KIF26B: variants seen among roughly 807,000 people sequenced by gnomAD.
The protein encoded by KIF26B is kinesin-like protein KIF26B.
KIF26B carries 63 observed loss-of-function variants against 151.2 expected under a neutral mutation model. The ratio of observed to expected loss-of-function variants is 0.42; its 90% confidence interval spans 0.34 to 0.51. The LOEUF (loss-of-function observed/expected upper bound fraction) is 0.51. KIF26B is among the 20% of genes least tolerant of loss of function. KIF26B has a pLI of 0.07. For missense variants in KIF26B, 2,813 were observed against 2,913.6 expected, an observed-to-expected ratio of 0.97 and a Z score of 0.79; for synonymous variants, 1,357 against 1,262.1, an observed-to-expected ratio of 1.08 and a Z score of -1.59.
rs12748335 is a variant in KIF26B, at chr1:245,708,881, A to G, written c.*6275A>G. The G allele has an allele frequency of 6.6e-6, 1 of 152,240 alleles. No homozygotes were observed. The highest frequency in any genetic ancestry group is 1.5e-5 in the Non-Finnish European group (1 of 68,046). The allele number at this position is 152,240 out of a possible 1,614,324, so 9.4% of individuals were successfully genotyped here. A position where few individuals can be genotyped will look rare whatever the true frequency, so the allele number is the denominator to read the frequency against. ...TGGGCCCATTTGAAAAGTGGAGACAAGGTCTGCCCAGGTGCATTTATTGTG... is the reference window on the plus strand; with the variant it reads ...TGGGCCCATTTGAAAAGTGGAGACAGGGTCTGCCCAGGTGCATTTATTGTG... On this transcript the variant is annotated 3_prime_UTR_variant, in exon 15 of 15. Transcript: ENST00000407071.
chr1:245,401,147 A>G (rs1173512933), intron 3 of KIF26B, among the ~76,000 whole-genome samples: 1 of 152,198 alleles, frequency 6.6e-6, no homozygotes, highest in East Asian at 1.9e-4. Context: ...TTGTTTTTTG[A>G]AATCTTTGTA....
At chr1:245,261,522 TCTCTCTCC>T (rs1558366132) in intron 2 of KIF26B, among the ~76,000 whole-genome samples, 9 of 126,218 alleles carry the variant, frequency 7.1e-5, no homozygotes, top group African/African-American at 2.3e-4. Flanking sequence ...CCTCCCTCCC[TCTCTCTCC>T]CTCTCTCCCC....
chr1:245,683,776 C>G (rs114778429), intron 10 of KIF26B, among the ~76,000 whole-genome samples: 2,921 of 152,340 alleles, frequency 0.019, 35 homozygotes, highest in Middle Eastern at 0.051. Context: ...TAAAAACCCA[C>G]CGATCTTTAA....
intron 2 of KIF26B, among the ~76,000 whole-genome samples, chr1:245,287,495 TC>T (rs1553341595): frequency 0.023 from 1,851 of 79,064 alleles, 50 homozygotes; most frequent in African/African-American, 0.082. Context: ...CATCTCTCTC[TC>T]TCTTTTTTTT....
intron 3 of KIF26B, among the ~76,000 whole-genome samples, chr1:245,390,638 C>A (rs961285596): frequency 6.6e-6 from 1 of 151,990 alleles, no homozygotes; most frequent in Non-Finnish European, 1.5e-5. Flanking sequence ...TCCCCCTCTG[C>A]CAGTAGAATA....
intron 4 of KIF26B, among the ~76,000 whole-genome samples, chr1:245,480,233 C>T (rs116294344): frequency 0.036 from 5,268 of 147,872 alleles, 264 homozygotes; most frequent in African/African-American, 0.1. Context: ...GAGCCATGAC[C>T]GTGCCACTGC....
chr1:245,245,925 CAAAA>C (rs60181356), intron 2 of KIF26B, among the ~76,000 whole-genome samples: 1 of 111,650 alleles, frequency 9.0e-6, no homozygotes, highest in African/African-American at 3.5e-5. Context: ...GACTCCGTCT[CAAAA>C]AAAAAAAAAA....
intron 5 of KIF26B, among the ~76,000 whole-genome samples, chr1:245,595,421 C>CAT (rs200284107): frequency 0.15 from 23,475 of 151,678 alleles, 2,381 homozygotes; most frequent in African/African-American, 0.29. Context: ...TTGAGATAAT[C>CAT]GTGGTTTTTG....
In KIF26B at chr1:245,688,700, A is replaced by AGGCCACCGG. The variant is rs753814797; in HGVS notation, c.5718_5726dup (p.Ala1907_Gly1909dup). ...TACGAGAGCGTGATGCGGGACAGCG[A>AGGCCACCGG]GGCCACCGGCAGCGCGTCCTCGGCG... On this transcript the variant is annotated inframe_insertion, in exon 12 of 15. Transcript: ENST00000407071. 1.1e-5 allele frequency: 18 copies of AGGCCACCGG among 1,607,206 alleles called. No homozygotes were observed. The East Asian group carries it at 2.5e-4, about 22-fold the overall frequency.
At chr1:245,271,300 T>C (rs1412192271) in intron 2 of KIF26B, among the ~76,000 whole-genome samples, 1 of 152,214 alleles carries the variant, frequency 6.6e-6, no homozygotes, top group East Asian at 1.9e-4. Context: ...AAAAATGCCA[T>C]TGGGAATTTG....
At chr1:245,446,065 C>T (rs373513569) in intron 4 of KIF26B, among the ~76,000 whole-genome samples, 15 of 152,124 alleles carry the variant, frequency 9.9e-5, no homozygotes, top group Non-Finnish European at 1.6e-4. Flanking sequence ...TGTCATTGTG[C>T]GAACATCATA....
rs760616912 is a variant in KIF26B at position 245,687,137 on chromosome 1, T to G, written c.4154T>G (p.Ile1385Ser). 6.2e-7 allele frequency: 1 copy of G among 1,613,116 alleles called. No individual in the cohort carries two copies. Among genetic ancestry groups the G allele is most frequent in the Admixed American group, 1.7e-5 (1 of 59,980 alleles). ...AATCTGAGCAGCTGCGAGGGGTACA[T>G]CCCCATGAAGACCAATATCACAGTT... ...TANLSSCEGY[I>S]PMKTNITVYP... is the part of the protein sequence containing the mutation. Residue 1385 changes from isoleucine to serine, a missense_variant, in exon 12 of 15, where the codon ATC (isoleucine) becomes AGC (serine). By Grantham distance (142) the Ile-to-Ser change is moderately radical. Around this residue, in one of 3 missense-constraint regions of KIF26B, gnomAD observed 2,060 missense variants for 2,088.6 expected, o/e 0.99. Coordinates refer to ENST00000407071, the MANE Select transcript of KIF26B (RefSeq NM_018012.4). This position sits in a 1 kb window ranked among gnomAD's most constrained non-coding sequence, Gnocchi z 4.9.
intron 2 of KIF26B, among the ~76,000 whole-genome samples, chr1:245,332,662 C>T (rs1672138082): frequency 6.6e-6 from 1 of 152,170 alleles, no homozygotes; most frequent in Non-Finnish European, 1.5e-5. Context: ...CTGGTTTTCA[C>T]TCAGGGTGGT....
chr1:245,455,222 C>T (rs1242460209), intron 4 of KIF26B, among the ~76,000 whole-genome samples: 4 of 152,068 alleles, frequency 2.6e-5, no homozygotes, highest in Non-Finnish European at 5.9e-5. Context: ...ATCCATACTA[C>T]AGGCCGGGCA....
At chr1:245,423,091 C>T (rs1454726956) in intron 4 of KIF26B, among the ~76,000 whole-genome samples, 1 of 117,202 alleles carries the variant, frequency 8.5e-6, no homozygotes, top group Non-Finnish European at 1.7e-5. Context: ...GAGTTGGACT[C>T]AGTCTCAAAA....
intron 3 of KIF26B, among the ~76,000 whole-genome samples, chr1:245,413,081 A>G (rs1188831757): frequency 2.6e-5 from 4 of 152,236 alleles, no homozygotes; most frequent in Non-Finnish European, 5.9e-5. Context: ...ACAGGTTTCA[A>G]TCAGAACTAA....
rs1296358768 is a variant in KIF26B at position 245,516,205 on chromosome 1, G to A, written c.1167-24562G>A. 6.6e-6 allele frequency among the ~76,000 whole-genome samples: 1 copy of A among 152,116 alleles called. No individual in the cohort carries two copies. The highest frequency in any genetic ancestry group is 6.5e-5 in the Admixed American group (1 of 15,272). ...GATTTATCCTTTTTATCAGCAGAATGGTACATTTCCCATAGCAATGCTTGA... is the reference window on the plus strand; with the variant it reads ...GATTTATCCTTTTTATCAGCAGAATAGTACATTTCCCATAGCAATGCTTGA... On this transcript the variant is annotated intron_variant, in intron 4 of 14. Coordinates refer to ENST00000407071, the MANE Select transcript of KIF26B (RefSeq NM_018012.4). This position sits in a 1 kb window ranked among gnomAD's most constrained non-coding sequence, Gnocchi z 4.2.
chr1:245,270,561 G>A (rs1314924831), intron 2 of KIF26B, among the ~76,000 whole-genome samples: 1 of 152,030 alleles, frequency 6.6e-6, no homozygotes, highest in Non-Finnish European at 1.5e-5. Flanking sequence ...TCATTTGTAT[G>A]TTTTCCTTAC....
chr1:245,475,735 C>A (rs1660022176), intron 4 of KIF26B, among the ~76,000 whole-genome samples: 1 of 151,768 alleles, frequency 6.6e-6, no homozygotes, highest in African/African-American at 2.4e-5. Context: ...ATCAAAAAGA[C>A]AGATCGTGCA....
Sources: allele counts gnomAD v4.1 joint callset (sites outside exome capture counted in the v4.1 genomes callset), GRCh38; gene constraint gnomAD v4.1.1; regional missense constraint gnomAD v4.1.1; non-coding constraint Gnocchi (gnomAD v3.1); transcripts MANE v1.5; gene names NCBI Gene and HGNC (gene_info 2026-07-23, HGNC 2026-07-21).